ANKRD66: variants seen among roughly 807,000 people sequenced by gnomAD.
ANKRD66 encodes the protein ankyrin repeat domain 66, also known as ankyrin repeat domain-containing protein 66.
In ANKRD66, 10 loss-of-function variants were observed where a neutral mutation model predicts 10.9. The observed-to-expected ratio is 0.91, with a 90% CI of 0.56 to 1.55. The LOEUF (loss-of-function observed/expected upper bound fraction) is 1.55. ANKRD66 is among the 40% of genes most tolerant of loss of function. The pLI is 0.00. For missense variants in ANKRD66, 252 were observed against 242.9 expected, an observed-to-expected ratio of 1.04 and a Z score of -0.25; for synonymous variants, 85 against 88.4, an observed-to-expected ratio of 0.96 and a Z score of 0.22.
Position 46,746,947 on chromosome 6 carries a change from G to A in ANKRD66, c.-140G>A. 1 of 1,535,492 alleles carries A rather than the reference G, an allele frequency of 6.5e-7. No homozygotes were observed. Among genetic ancestry groups the A allele is most frequent in the Non-Finnish European group, 8.7e-7 (1 of 1,146,848 alleles). On this transcript the variant is annotated 5_prime_UTR_variant, in exon 1 of 5. Transcript: ENST00000565422. Reference sequence around the variant, plus strand: ...ATGGACACAACACTCCGGATGGTTAGGACTGCCTGTCAGCACAGAGCTCCT... The same window carrying A: ...ATGGACACAACACTCCGGATGGTTAAGACTGCCTGTCAGCACAGAGCTCCT...
At chr6:46,753,026 G>T (rs1766301486) in intron 3 of ANKRD66, among the ~76,000 whole-genome samples, 1 of 152,166 alleles carries the variant, frequency 6.6e-6, no homozygotes, top group African/African-American at 2.4e-5. Flanking sequence ...AATTAGTTGG[G>T]ATATTTTTGC....
chr6:46,749,370 G>C (rs532917612), intron 1 of ANKRD66, among the ~76,000 whole-genome samples: 1 of 152,218 alleles, frequency 6.6e-6, no homozygotes, highest in South Asian at 2.1e-4. Flanking sequence ...CCATCTCACC[G>C]ACCAGGCCCT....
At chr6:46,756,399 C>T (rs1766385078) in intron 4 of ANKRD66, 1 of 160,786 alleles carries the variant, frequency 6.2e-6, no homozygotes, top group Non-Finnish European at 1.4e-5. Flanking sequence ...TGTCAACTGT[C>T]TTTATGTCTG....
At chr6:46,751,697 G>A (rs144261238) in intron 2 of ANKRD66, among the ~76,000 whole-genome samples, 148 of 152,272 alleles carry the variant, frequency 9.7e-4, no homozygotes, top group Non-Finnish European at 1.6e-3. Flanking sequence ...CAGGTAGCCC[G>A]TGAGTTTAGA....
At chr6:46,752,526 C>T (rs141085411) in intron 3 of ANKRD66, among the ~76,000 whole-genome samples, 263 of 152,334 alleles carry the variant, frequency 1.7e-3, no homozygotes, top group African/African-American at 6.1e-3. Flanking sequence ...TGAGCCACCA[C>T]GCCTGGCCCC....
rs903092747 is a variant in ANKRD66, at chr6:46,758,900, T to C, written c.570T>C (p.Asn190=). ...GTCGAGGCCCCACCAGGCCCAGCAATACCAAGGGGAGGAGAGTATGAGAAC... is the reference window on the plus strand; with the variant it reads ...GTCGAGGCCCCACCAGGCCCAGCAACACCAAGGGGAGGAGAGTATGAGAAC... ...KKSRGPTRPS[N]TKGRRV The change falls in exon 5 of 5, where the codon AAT becomes AAC. Residue 190 remains asparagine, a synonymous_variant. Transcript: ENST00000565422. 4 of 1,550,772 alleles carry C rather than the reference T, an allele frequency of 2.6e-6. No homozygotes were observed. The African/African-American group carries it at 5.5e-5, about 21-fold the overall frequency.
At chr6:46,748,893 G>A (rs775570705) in intron 1 of ANKRD66, among the ~76,000 whole-genome samples, 29 of 152,172 alleles carry the variant, frequency 1.9e-4, no homozygotes, top group Non-Finnish European at 3.8e-4. Flanking sequence ...GTGAGAACTT[G>A]TTACAATGCA....
At chr6:46,749,531 A>AT (rs888614815) in intron 1 of ANKRD66, among the ~76,000 whole-genome samples, 5 of 98,616 alleles carry the variant, frequency 5.1e-5, no homozygotes, top group Admixed American at 4.3e-4. Context: ...TCTTGGCATA[A>AT]TTTTTTTTTC....
intron 2 of ANKRD66, among the ~76,000 whole-genome samples, chr6:46,751,664 A>C (rs1766271408): frequency 6.6e-6 from 1 of 152,186 alleles, no homozygotes; most frequent in African/African-American, 2.4e-5. Flanking sequence ...AGTAGGAAAT[A>C]GCACTGGAGG....
chr6:46,753,794 C>T lies in ANKRD66; in HGVS notation c.236C>T (p.Thr79Ile). 1.3e-6 allele frequency: 2 copies of T among 1,551,596 alleles called. No homozygotes were observed. Among genetic ancestry groups the T allele is most frequent in the Non-Finnish European group, 1.7e-6 (2 of 1,146,976 alleles). Residue 79 changes from threonine (T) to isoleucine (I), a missense_variant, in exon 4 of 5, where the codon ACC becomes ATC. Coordinates refer to ENST00000565422, the MANE Select transcript of ANKRD66 (RefSeq NM_001162435.3). ...RPCLVTSVGW[T>I]PAHFAAEAGH... ...TGCCTGGTTACTAGTGTGGGCTGGA[C>T]CCCAGCTCATTTTGCAGCAGAAGCA... is the stretch of plus-strand genomic sequence containing the variant.
intron 3 of ANKRD66, 27 bp from the exon 4 acceptor site, chr6:46,753,695 A>T: frequency 6.6e-7 from 1 of 1,522,958 alleles, no homozygotes; most frequent in East Asian, 2.5e-5. Context: ...TCCTAACCTC[A>T]TCCTGTTTCT....
At chr6:46,750,757 A>C (rs1307010206) in intron 2 of ANKRD66, among the ~76,000 whole-genome samples, 1 of 150,500 alleles carries the variant, frequency 6.6e-6, no homozygotes, top group African/African-American at 2.4e-5. Context: ...AAAAGGGAGG[A>C]ATATTTTCAG....
intron 4 of ANKRD66, among the ~76,000 whole-genome samples, chr6:46,755,831 C>T (rs1384825409): frequency 6.6e-6 from 1 of 152,146 alleles, no homozygotes; most frequent in Non-Finnish European, 1.5e-5. Context: ...AGCACTTATC[C>T]TCTCAGAGTG....
chr6:46,752,000 G>A lies in ANKRD66; in HGVS notation c.52G>A (p.Ala18Thr). Reference protein sequence around the residue: ...DMTKLHQAVAAGDYSLVKKIL... With the variant: ...DMTKLHQAVATGDYSLVKKIL... ...GACAAAGCTTCACCAAGCTGTGGCT[G>A]CAGGAGACTACAGCTTAGTGAAGAA... Residue 18 changes from alanine to threonine, a missense_variant, in exon 3 of 5, where the codon GCA (alanine) becomes ACA (threonine). Physicochemically the swap from Ala to Thr is moderately conservative, Grantham distance 58 (BLOSUM62 0). Transcript: ENST00000565422. 6.6e-7 allele frequency: 1 copy of A among 1,526,272 alleles called. No individual in the cohort carries two copies. The highest frequency in any genetic ancestry group is 1.2e-5 in the South Asian group (1 of 80,192). 94.5% of individuals were successfully genotyped at this position (1,526,272 alleles called of 1,614,324 possible).
rs1185908469 is a variant in ANKRD66 at position 46,758,828 on chromosome 6, G to C, written c.498G>C (p.Leu166=). ...ATGCCAAGAAAAGGGAGCTGGAGCT[G>C]TCTCTTCCTTCCCTAAATCAAAACA... ...DWDAKKRELE[L]SLPSLNQNMN... The change falls in exon 5 of 5, where the codon CTG becomes CTC. Residue 166 remains leucine (L), a synonymous_variant. Coordinates refer to ENST00000565422, the MANE Select transcript of ANKRD66 (RefSeq NM_001162435.3). The C allele has an allele frequency of 6.4e-7, 1 of 1,551,602 alleles. No individual in the cohort carries two copies. Among genetic ancestry groups the C allele is most frequent in the Non-Finnish European group, 8.7e-7 (1 of 1,146,930 alleles).
At position 46,759,246 on chromosome 6, in the gene ANKRD66, A is replaced by C. The variant is rs1288472743; in HGVS notation, c.*325A>C. On this transcript the variant is annotated 3_prime_UTR_variant, in exon 5 of 5. Coordinates refer to ENST00000565422, the MANE Select transcript of ANKRD66 (RefSeq NM_001162435.3). ...CTGGCATGAATTAACTTCATCCCTGATAACGATCGAGAGATAATGTAAAAT... is the reference window on the plus strand; with the variant it reads ...CTGGCATGAATTAACTTCATCCCTGCTAACGATCGAGAGATAATGTAAAAT... 5.0e-6 allele frequency: 1 copy of C among 200,432 alleles called. No individual in the cohort carries two copies. The highest frequency in any genetic ancestry group is 2.3e-5 in the African/African-American group (1 of 43,392). The allele number at this position is 200,432 out of a possible 1,614,324, so 12.4% of individuals were successfully genotyped here.
At chr6:46,752,355 C>T (rs1009797415) in intron 3 of ANKRD66, among the ~76,000 whole-genome samples, 64 of 152,196 alleles carry the variant, frequency 4.2e-4, no homozygotes, top group African/African-American at 1.4e-3. Context: ...CTGCCTCAGC[C>T]TACCGAGTAG....
rs957195061 is a variant in ANKRD66, at chr6:46,752,188, G to T, written c.163+77G>T. On this transcript the variant is annotated intron_variant, in intron 3 of 4. Transcript: ENST00000565422. ...AGGCTATCAATCAGTAGGCTATGTGGGGGAGTGGAACAAACATTTCTTTAG... is the reference window on the plus strand; with the variant it reads ...AGGCTATCAATCAGTAGGCTATGTGTGGGAGTGGAACAAACATTTCTTTAG... 3 of 1,319,462 alleles carry T rather than the reference G, an allele frequency of 2.3e-6. No homozygotes were observed. The Admixed American group carries it at 1.2e-4, about 53-fold the overall frequency. The allele number at this position is 1,319,462 out of a possible 1,614,324, so 81.7% of individuals were successfully genotyped here.
At chr6:46,751,112 C>T (rs1306917527) in intron 2 of ANKRD66, among the ~76,000 whole-genome samples, 1 of 152,068 alleles carries the variant, frequency 6.6e-6, no homozygotes, top group African/African-American at 2.4e-5. Flanking sequence ...ATGTAACTGG[C>T]TTTTTAAAAT....
Sources: allele counts gnomAD v4.1 joint callset (sites outside exome capture counted in the v4.1 genomes callset), GRCh38; gene constraint gnomAD v4.1.1; transcripts MANE v1.5; gene names NCBI Gene and HGNC (gene_info 2026-07-23, HGNC 2026-07-21).